The following CFAP299 variants were observed in gnomAD, a reference collection of about 807,000 sequenced individuals.
The protein encoded by CFAP299 is cilia- and flagella-associated protein 299.
Under a neutral mutation model 27.0 loss-of-function variants are expected in CFAP299, and 21 were observed. The observed-to-expected ratio is 0.78, with a 90% CI of 0.55 to 1.12. The LOEUF is 1.12. CFAP299 is among the 50% of genes most tolerant of loss of function. The probability of loss-of-function intolerance (pLI) is 0.00; values close to 1 mark genes in which losing one functional copy is unlikely to be tolerated. For synonymous variants in CFAP299, 104 were observed against 98.1 expected (o/e 1.06, Z -0.36); for missense variants, 310 against 276.6 (o/e 1.12, Z -0.86).
chr4:80,921,339 A>C (rs1736033942), intron 4 of CFAP299, among the ~76,000 whole-genome samples: 2 of 152,120 alleles, frequency 1.3e-5, no homozygotes, highest in Non-Finnish European at 2.9e-5. Context: ...TGTGTTTTTC[A>C]AGTACAGAGG....
chr4:80,822,223 G>T (rs1316461429), intron 3 of CFAP299, among the ~76,000 whole-genome samples: 8 of 152,124 alleles, frequency 5.3e-5, no homozygotes, highest in African/African-American at 1.9e-4. Context: ...TTTGTTGAAG[G>T]TCTGATCAAG....
At chr4:80,481,450 T>C (rs559041468) in intron 2 of CFAP299, among the ~76,000 whole-genome samples, 8 of 152,258 alleles carry the variant, frequency 5.3e-5, no homozygotes, top group African/African-American at 1.4e-4. Flanking sequence ...GCCAAAGGCA[T>C]ATTTTTAAAC....
chr4:80,628,856 G>A (rs1739055282), intron 3 of CFAP299, among the ~76,000 whole-genome samples: 1 of 152,268 alleles, frequency 6.6e-6, no homozygotes, highest in South Asian at 2.1e-4. Context: ...GGGAACCCTT[G>A]CACGCTGTTG....
At chr4:80,837,900 T>C (rs964355254) in intron 3 of CFAP299, among the ~76,000 whole-genome samples, 1 of 152,126 alleles carries the variant, frequency 6.6e-6, no homozygotes, top group Non-Finnish European at 1.5e-5. Context: ...GTGTAAAAGC[T>C]TTCCTATTTC....
At chr4:80,343,560 C>G (rs939146890) in intron 1 of CFAP299, among the ~76,000 whole-genome samples, 1 of 152,052 alleles carries the variant, frequency 6.6e-6, no homozygotes, top group Non-Finnish European at 1.5e-5. Flanking sequence ...GAGGCCGAGG[C>G]GGGTGGATCA....
intron 2 of CFAP299, among the ~76,000 whole-genome samples, chr4:80,426,887 G>C (rs2969271): frequency 6.6e-6 from 1 of 152,120 alleles, no homozygotes; most frequent in African/African-American, 2.4e-5. Flanking sequence ...AAAACTTTTT[G>C]TGTGTGAGTA....
chr4:80,495,347 T>C (rs1495489), intron 2 of CFAP299, among the ~76,000 whole-genome samples: 52,063 of 152,076 alleles, frequency 0.34, 10,817 homozygotes, highest in African/African-American at 0.58. Context: ...GGAAATCATA[T>C]AAAGAAACAT....
At chr4:80,658,437 A>G (rs1162614230) in intron 3 of CFAP299, among the ~76,000 whole-genome samples, 1 of 152,198 alleles carries the variant, frequency 6.6e-6, no homozygotes, top group Non-Finnish European at 1.5e-5. Context: ...AGTTTTTAGC[A>G]TGAAGCAGTG....
chr4:80,881,891 A>G (rs961543289), intron 4 of CFAP299, among the ~76,000 whole-genome samples: 11 of 152,340 alleles, frequency 7.2e-5, no homozygotes, highest in African/African-American at 2.6e-4. Context: ...GAGAAATTCA[A>G]TAAGGAGATA....
intron 3 of CFAP299, among the ~76,000 whole-genome samples, chr4:80,597,696 T>A (rs1737128657): frequency 6.6e-6 from 1 of 151,140 alleles, no homozygotes; most frequent in African/African-American, 2.4e-5. Flanking sequence ...TACAATTACT[T>A]TTTTTTTTAA....
chr4:80,685,419 CT>C (rs1720119742), intron 3 of CFAP299, among the ~76,000 whole-genome samples: 2 of 151,940 alleles, frequency 1.3e-5, no homozygotes, highest in African/African-American at 4.8e-5. Flanking sequence ...GCCAATTGCA[CT>C]GAAGTGTTAC....
rs997527215 is a variant in CFAP299, at chr4:80,940,458, A to T, written c.477-4352A>T. ...ATGCTGCCTTAGATGATGTGGGTAA[A>T]GTGTAACTGTTCTTACCCACTTCAG... On this transcript the variant is annotated intron_variant, in intron 4 of 5. Transcript: ENST00000358105. Among the ~76,000 whole-genome samples the T allele has an allele frequency of 1.1e-4, 16 of 152,244 alleles. No homozygotes were observed. The East Asian group carries it at 2.7e-3, about 26-fold the overall frequency.
intron 3 of CFAP299, among the ~76,000 whole-genome samples, chr4:80,601,203 G>T (rs1159024695): frequency 1.3e-5 from 2 of 152,112 alleles, no homozygotes; most frequent in African/African-American, 4.8e-5. Flanking sequence ...TGTTATCTAA[G>T]ATTAATTGGA....
chr4:80,856,254 G>T (rs1374468970), intron 3 of CFAP299, among the ~76,000 whole-genome samples: 1 of 145,880 alleles, frequency 6.9e-6, no homozygotes, highest in Non-Finnish European at 1.5e-5. Context: ...TGATGGGGTT[G>T]TTTTTTTCTT....
chr4:80,331,333 A>G (rs1721933288), upstream of CFAP299, among the ~76,000 whole-genome samples: 1 of 152,220 alleles, frequency 6.6e-6, no homozygotes, highest in South Asian at 2.1e-4. Context: ...ACTTTATCCT[A>G]AGGGTAATGG....
intron 2 of CFAP299, among the ~76,000 whole-genome samples, chr4:80,381,117 C>T (rs1398503090): frequency 6.6e-6 from 1 of 152,118 alleles, no homozygotes; most frequent in East Asian, 1.9e-4. Flanking sequence ...TTCTTCTGGG[C>T]TTTTAGCTCC....
intron 1 of CFAP299, among the ~76,000 whole-genome samples, chr4:80,362,117 GT>G (rs57450068): frequency 0.85 from 123,918 of 145,596 alleles, 52,874 homozygotes; most frequent in African/African-American, 0.94. Flanking sequence ...ATACTGGGAA[GT>G]TTTTTTTTTT....
chr4:80,852,936 T>C (rs1414048732), intron 3 of CFAP299, among the ~76,000 whole-genome samples: 2 of 152,178 alleles, frequency 1.3e-5, no homozygotes, highest in African/African-American at 2.4e-5. Context: ...TGCAGGACAT[T>C]GTTGATAGCA....
intron 2 of CFAP299, among the ~76,000 whole-genome samples, chr4:80,451,197 A>G (rs1728888279): frequency 6.6e-6 from 1 of 152,120 alleles, no homozygotes; most frequent in African/African-American, 2.4e-5. Context: ...TCGCAGATGG[A>G]TGGCTGCCTC....
Sources: allele counts gnomAD v4.1 joint callset (sites outside exome capture counted in the v4.1 genomes callset), GRCh38; gene constraint gnomAD v4.1.1; transcripts MANE v1.5; gene names NCBI Gene and HGNC (gene_info 2026-07-23, HGNC 2026-07-21).